Variants in BCL2 observed in about 807,000 individuals in gnomAD.
BCL2 encodes the protein apoptosis regulator Bcl-2.
BCL2 carries 1 observed loss-of-function variant against 14.2 expected under a neutral mutation model. The ratio of observed to expected loss-of-function variants is 0.07; its 90% CI spans 0.02 to 0.33. The LOEUF is 0.33. BCL2 is among the 10% of genes least tolerant of loss of function. The probability of loss-of-function intolerance (pLI) is 0.99; values close to 1 mark genes in which losing one functional copy is unlikely to be tolerated. For missense variants in BCL2, 247 were observed against 305.9 expected, an observed-to-expected ratio of 0.81 and a Z score of 1.44; for synonymous variants, 151 against 137.2, an observed-to-expected ratio of 1.10 and a Z score of -0.70.
intron 2 of BCL2, among the ~76,000 whole-genome samples, chr18:63,281,666 CAGAAAGAAAGAA>C (rs11271898): frequency 0.14 from 12,623 of 88,026 alleles, 960 homozygotes; most frequent in East Asian, 0.19. Context: ...GACCTTGTCT[CAGAAAGAAAGAA>C]AGAAAGAAAG....
At chr18:63,289,695 A>G (rs1599292977) in intron 2 of BCL2, among the ~76,000 whole-genome samples, 1 of 152,078 alleles carries the variant, frequency 6.6e-6, no homozygotes, top group Non-Finnish European at 1.5e-5. Context: ...GGAGTTCAAG[A>G]CCAGCCTGGC....
At chr18:63,198,982 CAG>C (rs1909592083) in intron 2 of BCL2, among the ~76,000 whole-genome samples, 1 of 151,424 alleles carries the variant, frequency 6.6e-6, no homozygotes. Context: ...CACACAGACA[CAG>C]AGACACCCAC....
chr18:63,313,787 A>G (rs1913409867), intron 2 of BCL2: 1 of 152,162 alleles, frequency 6.6e-6, no homozygotes, highest in Non-Finnish European at 1.5e-5. Context: ...CAGAGATAAG[A>G]AAAAACAACA....
chr18:63,169,283 T>TC (rs1568222330), intron 2 of BCL2, among the ~76,000 whole-genome samples: 1,771 of 67,582 alleles, frequency 0.026, 206 homozygotes, highest in East Asian at 0.13. Context: ...TTTCTTTCTT[T>TC]CTTTCTTTCT....
intron 2 of BCL2, among the ~76,000 whole-genome samples, chr18:63,132,206 C>T (rs952023116): frequency 6.6e-6 from 1 of 152,192 alleles, no homozygotes; most frequent in Non-Finnish European, 1.5e-5. Flanking sequence ...AGCAGATAAC[C>T]CAGCCCCGAG....
At chr18:63,218,770 A>ATCCCCCTCTACTCG (rs1464576517) in intron 2 of BCL2, among the ~76,000 whole-genome samples, 10 of 8,116 alleles carry the variant, frequency 1.2e-3, no homozygotes, top group African/African-American at 3.8e-3. Context: ...CCCTCTACTC[A>ATCCCCCTCTACTCG]TCCCCATCCT....
Position 63,127,160 on chromosome 18 carries a change from T to C in BCL2, c.*1465A>G, listed in dbSNP as rs150653783. The C allele has an allele frequency of 2.1e-3, 492 of 229,420 alleles. 3 individuals carry two copies. The highest frequency in any genetic ancestry group is 0.01 in the African/African-American group (467 of 45,202). The allele number at this position is 229,420 out of a possible 1,614,324, so 14.2% of individuals were successfully genotyped here. A position where few individuals can be genotyped will look rare whatever the true frequency, so the allele number is the denominator to read the frequency against. On this transcript the variant is annotated 3_prime_UTR_variant, in exon 3 of 3. Coordinates refer to ENST00000333681, the MANE Select transcript of BCL2 (RefSeq NM_000633.3). ...AGATAATGTTTTACATGTAATTCCA[T>C]AGACAGGGGTCAATTAATCCATGAC...
chr18:63,219,588 G>T (rs1910326699), intron 2 of BCL2, among the ~76,000 whole-genome samples: 1 of 151,140 alleles, frequency 6.6e-6, no homozygotes, highest in South Asian at 2.1e-4. Flanking sequence ...TCCTCACGCA[G>T]CACTTTTTAA....
intron 2 of BCL2, chr18:63,302,522 C>G: frequency 1.0e-6 from 1 of 985,378 alleles, no homozygotes; most frequent in Non-Finnish European, 1.2e-6. Context: ...AAAGTCATAA[C>G]ATGTTGTGCC....
At chr18:63,133,215 C>T (rs1914116999) in intron 2 of BCL2, among the ~76,000 whole-genome samples, 1 of 152,126 alleles carries the variant, frequency 6.6e-6, no homozygotes. Flanking sequence ...GTCAAGACTC[C>T]TAAACTCAGC....
rs1430203334 is a variant in BCL2, at chr18:63,169,329, TTTCC to T, written c.586-40574_586-40571del. Among the ~76,000 whole-genome samples the T allele has an allele frequency of 1.9e-4, 7 of 37,454 alleles. 1 individual carries two copies. The highest frequency in any genetic ancestry group is 8.0e-4 in the African/African-American group (4 of 5,014). 24.6% of individuals were successfully genotyped at this position (37,454 alleles called of 152,430 possible). A position where few individuals can be genotyped will look rare whatever the true frequency, so the allele number is the denominator to read the frequency against. On this transcript the variant is annotated intron_variant, in intron 2 of 2. Coordinates refer to ENST00000333681, the MANE Select transcript of BCL2 (RefSeq NM_000633.3). ...CTTTCTTCCTTCCTTCCTTCTTTCC[TTTCC>T]TTCCTTTCTTTCTTTCTTTCTTTCT...
intron 2 of BCL2, among the ~76,000 whole-genome samples, chr18:63,167,538 G>A (rs1296305370): frequency 1.3e-5 from 2 of 152,110 alleles, no homozygotes; most frequent in African/African-American, 2.4e-5. Flanking sequence ...CTAGTGCTTT[G>A]GGAGGCCGAG....
intron 2 of BCL2, among the ~76,000 whole-genome samples, chr18:63,262,411 T>C (rs959152973): frequency 6.6e-6 from 1 of 152,192 alleles, no homozygotes; most frequent in Non-Finnish European, 1.5e-5. Flanking sequence ...AGGGAACTTA[T>C]ACCAGGCTCA....
intron 2 of BCL2, among the ~76,000 whole-genome samples, chr18:63,196,671 C>G (rs952567617): frequency 3.3e-5 from 5 of 152,068 alleles, no homozygotes; most frequent in Admixed American, 2.6e-4. Flanking sequence ...CAAGAAAGAA[C>G]CGTGCGGCCC....
intron 2 of BCL2, among the ~76,000 whole-genome samples, chr18:63,166,429 G>A (rs1258993431): frequency 6.6e-6 from 1 of 152,210 alleles, no homozygotes; most frequent in African/African-American, 2.4e-5. Context: ...TGGGGAACGA[G>A]GTACCTGCAG....
intron 2 of BCL2, among the ~76,000 whole-genome samples, chr18:63,141,867 G>A (rs566075152): frequency 2.3e-4 from 35 of 152,352 alleles, no homozygotes; most frequent in South Asian, 1.0e-3. Flanking sequence ...CAAGCGTGCC[G>A]TGGCTCCTGT....
At chr18:63,235,471 A>G (rs570380745) in intron 2 of BCL2, among the ~76,000 whole-genome samples, 2 of 152,346 alleles carry the variant, frequency 1.3e-5, no homozygotes, top group South Asian at 4.1e-4. Flanking sequence ...ATGTTTTGCA[A>G]CGGACAAATC....
chr18:63,147,995 G>A (rs547549684), intron 2 of BCL2, among the ~76,000 whole-genome samples: 1 of 151,930 alleles, frequency 6.6e-6, no homozygotes. Flanking sequence ...CTCCATGCCC[G>A]ACCCCTCCCT....
rs371518171 is a variant in BCL2 at position 63,124,400 on chromosome 18, T to C, written c.*4225A>G. On this transcript the variant is annotated 3_prime_UTR_variant, in exon 3 of 3. Transcript: ENST00000333681. ...TTGCACTGCCAAACGGAGCTGCACT[T>C]TGAGCCATGCTGATGTCTCTGGAAT... The C allele has an allele frequency of 1.3e-3, 291 of 231,456 alleles. No individual in the cohort carries two copies. The highest frequency in any genetic ancestry group is 6.0e-3 in the African/African-American group (272 of 45,376). 14.3% of individuals were successfully genotyped at this position (231,456 alleles called of 1,614,324 possible).
Sources: allele counts gnomAD v4.1 joint callset (sites outside exome capture counted in the v4.1 genomes callset), GRCh38; gene constraint gnomAD v4.1.1; transcripts MANE v1.5; gene names NCBI Gene and HGNC (gene_info 2026-07-23, HGNC 2026-07-21).